Variants in SLMAP observed in about 807,000 individuals in gnomAD.
SLMAP encodes sarcolemma associated protein.
In SLMAP, 44 loss-of-function variants were observed where a neutral mutation model predicts 128.8. The ratio of observed to expected loss-of-function variants is 0.34; its 90% confidence interval spans 0.27 to 0.44. The LOEUF is 0.44. SLMAP is among the 20% of genes least tolerant of loss of function. The pLI is 1.00. For synonymous variants in SLMAP, 327 were observed against 348.8 expected (o/e 0.94, Z 0.70); for missense variants, 787 against 985.3 (o/e 0.80, Z 2.69).
At chr3:57,852,895 G>GTTTT (rs2094559359) in intron 6 of SLMAP, among the ~76,000 whole-genome samples, 3 of 152,064 alleles carry the variant, frequency 2.0e-5, no homozygotes, top group African/African-American at 7.2e-5. Context: ...AATTATACCA[G>GTTTT]TCTTTTCTGT....
At chr3:57,765,700 A>T (rs780967070) in intron 2 of SLMAP, among the ~76,000 whole-genome samples, 4 of 152,196 alleles carry the variant, frequency 2.6e-5, no homozygotes, top group Non-Finnish European at 5.9e-5. Flanking sequence ...AAGTATAAAG[A>T]TCATTAAGGG....
At chr3:57,843,305 CTTTTTTTTTTT>C in intron 4 of SLMAP, among the ~76,000 whole-genome samples, 3 of 92,112 alleles carry the variant, frequency 3.3e-5, no homozygotes, top group African/African-American at 4.5e-5. Flanking sequence ...CTTTCTTTTC[CTTTTTTTTTTT>C]TTTTTTTTTT....
At chr3:57,880,450 G>A (rs932562071) in intron 14 of SLMAP, among the ~76,000 whole-genome samples, 10 of 152,080 alleles carry the variant, frequency 6.6e-5, no homozygotes, top group South Asian at 2.1e-4. Flanking sequence ...TGATCCGCCC[G>A]CCTCAGCCTC....
chr3:57,830,085 A>G (rs1231870871), intron 2 of SLMAP, among the ~76,000 whole-genome samples: 11 of 152,164 alleles, frequency 7.2e-5, no homozygotes, highest in Admixed American at 7.2e-4. Context: ...TCCAGGCTGG[A>G]GTGCAGGGGC....
At chr3:57,762,049 G>A (rs1420060098) in intron 2 of SLMAP, among the ~76,000 whole-genome samples, 5 of 122,078 alleles carry the variant, frequency 4.1e-5, no homozygotes, top group East Asian at 2.5e-4. Flanking sequence ...GCGAGACTCC[G>A]TCTCAAAAAA....
At chr3:57,877,123 T>C (rs1282846572) in intron 14 of SLMAP, among the ~76,000 whole-genome samples, 1 of 152,174 alleles carries the variant, frequency 6.6e-6, no homozygotes, top group African/African-American at 2.4e-5. Context: ...TTTGTTGTTA[T>C]TAGTTTAATA....
intron 10 of SLMAP, among the ~76,000 whole-genome samples, chr3:57,864,336 G>T (rs960711834): frequency 6.6e-6 from 1 of 151,992 alleles, no homozygotes; most frequent in African/African-American, 2.4e-5. Context: ...GAACCCGGGA[G>T]GCGGAGGTTG....
intron 3 of SLMAP, among the ~76,000 whole-genome samples, chr3:57,838,509 T>C (rs2093748926): frequency 6.6e-6 from 1 of 152,228 alleles, no homozygotes. Context: ...CACAGGTTTT[T>C]AAACTGAGAA....
At chr3:57,878,054 G>T (rs1412340013) in intron 14 of SLMAP, among the ~76,000 whole-genome samples, 1 of 151,528 alleles carries the variant, frequency 6.6e-6, no homozygotes, top group African/African-American at 2.4e-5. Context: ...TGTTGGCCAG[G>T]CTGGTCTCAA....
At chr3:57,885,745 G>A (rs1239640297) in intron 14 of SLMAP, among the ~76,000 whole-genome samples, 14 of 103,198 alleles carry the variant, frequency 1.4e-4, no homozygotes, top group Non-Finnish European at 1.2e-4. Flanking sequence ...TGTTGTTATT[G>A]TTGTTTTGCT....
At chr3:57,895,329 TTTTC>T (rs559995223) in intron 15 of SLMAP, among the ~76,000 whole-genome samples, 3 of 151,946 alleles carry the variant, frequency 2.0e-5, no homozygotes, top group African/African-American at 4.8e-5. Context: ...AAAACTTTTT[TTTTC>T]TTTCTTTCTT....
intron 6 of SLMAP, among the ~76,000 whole-genome samples, chr3:57,850,755 T>G (rs1404844107): frequency 6.6e-6 from 1 of 152,170 alleles, no homozygotes; most frequent in Non-Finnish European, 1.5e-5. Context: ...TGCCTCAGCC[T>G]CCTGAGTGGC....
intron 2 of SLMAP, among the ~76,000 whole-genome samples, chr3:57,776,525 T>C (rs111457858): frequency 2.7e-5 from 4 of 145,746 alleles, no homozygotes; most frequent in Non-Finnish European, 4.5e-5. Flanking sequence ...TCTCTCTCTT[T>C]TTTTTTTTTT....
chr3:57,920,070 A>G (rs920385228), intron 22 of SLMAP, among the ~76,000 whole-genome samples: 32 of 152,230 alleles, frequency 2.1e-4, no homozygotes, highest in Admixed American at 1.8e-3. Flanking sequence ...ACTTGTCAAC[A>G]AAGTACTCTT....
intron 2 of SLMAP, among the ~76,000 whole-genome samples, chr3:57,803,623 G>C (rs2089121694): frequency 6.6e-6 from 1 of 152,206 alleles, no homozygotes; most frequent in African/African-American, 2.4e-5. Flanking sequence ...AACAGTTTTA[G>C]ATTCTCCCAT....
intron 2 of SLMAP, among the ~76,000 whole-genome samples, chr3:57,797,416 G>A (rs1213738784): frequency 1.3e-5 from 2 of 151,526 alleles, no homozygotes; most frequent in African/African-American, 4.9e-5. Context: ...CCCGGGAGGT[G>A]GAGGTTGCAG....
intron 2 of SLMAP, among the ~76,000 whole-genome samples, chr3:57,829,327 G>T (rs2093170817): frequency 6.6e-6 from 1 of 151,526 alleles, no homozygotes; most frequent in Non-Finnish European, 1.5e-5. Context: ...AATTGGCTTA[G>T]TAACCCACTA....
intron 3 of SLMAP, 127 bp from the exon 4 acceptor site, chr3:57,841,172 C>T (rs1210247792): frequency 3.0e-5 from 16 of 533,144 alleles, no homozygotes; most frequent in Non-Finnish European, 4.8e-5. Flanking sequence ...GTCATTAAAC[C>T]ACTAGCTTTA....
At chr3:57,907,137 C>T (rs549724006) in intron 17 of SLMAP, among the ~76,000 whole-genome samples, 5 of 152,086 alleles carry the variant, frequency 3.3e-5, no homozygotes, top group Non-Finnish European at 7.4e-5. Context: ...AAGCAGTTCT[C>T]CTGCCTCAGC....
Sources: gnomAD v4.1 joint callset for allele counts (sites outside exome capture counted in the v4.1 genomes callset) on GRCh38, gnomAD v4.1.1 for gene constraint, MANE v1.5 for transcripts, NCBI Gene and HGNC (gene_info 2026-07-23, HGNC 2026-07-21) for gene names.